GULP1: variants seen among roughly 807,000 people sequenced by gnomAD.
GULP1 encodes PTB domain-containing engulfment adapter protein 1.
Under a neutral mutation model 40.9 loss-of-function variants are expected in GULP1, and 19 were observed. The observed-to-expected ratio is 0.46, with a 90% confidence interval of 0.32 to 0.68. The LOEUF (loss-of-function observed/expected upper bound fraction) is 0.68, where lower values mean the gene tolerates loss of function less well. Among genes scored for constraint, GULP1 ranks in the 30% least tolerant of loss-of-function variants. The pLI, the probability that GULP1 is intolerant of heterozygous loss-of-function variation, is 0.03. For synonymous variants in GULP1, 119 were observed against 117.6 expected (o/e 1.01, Z -0.08); for missense variants, 312 against 362.2 (o/e 0.86, Z 1.12).
intron 2 of GULP1, among the ~76,000 whole-genome samples, chr2:188,472,871 A>G (rs1314620253): frequency 6.6e-6 from 1 of 152,140 alleles, no homozygotes; most frequent in East Asian, 1.9e-4. Context: ...CTGGGCATTG[A>G]AGAGTTAGGT....
chr2:188,524,709 CCAGTAGGTGGTGGTGTGGCT>C (rs1559341768), intron 5 of GULP1, among the ~76,000 whole-genome samples: 1 of 150,282 alleles, frequency 6.7e-6, no homozygotes, highest in Non-Finnish European at 1.5e-5. Context: ...CTCGCAATGG[CCAGTAGGTGGTGGTGTGGCT>C]CTACTAAAAA....
intron 1 of GULP1, among the ~76,000 whole-genome samples, chr2:188,357,095 A>G (rs950970153): frequency 9.2e-5 from 14 of 152,160 alleles, no homozygotes; most frequent in Non-Finnish European, 1.9e-4. Context: ...ATCTGAAAGT[A>G]TAAAACTACT....
chr2:188,434,704 A>T (rs1229246036), intron 2 of GULP1, among the ~76,000 whole-genome samples: 2 of 148,758 alleles, frequency 1.3e-5, no homozygotes, highest in Non-Finnish European at 3.0e-5. Context: ...CTTATTTTTA[A>T]ATTTCCTGAG....
chr2:188,380,887 A>G (rs896969623), intron 1 of GULP1, among the ~76,000 whole-genome samples: 39 of 152,260 alleles, frequency 2.6e-4, no homozygotes, highest in African/African-American at 9.1e-4. Context: ...ATATTGCAGC[A>G]TTAATAATGT....
intron 7 of GULP1, among the ~76,000 whole-genome samples, chr2:188,560,252 C>G (rs978348346): frequency 6.6e-6 from 1 of 152,138 alleles, no homozygotes; most frequent in African/African-American, 2.4e-5. Flanking sequence ...TCCAGATACC[C>G]TAAATCATCA....
intron 1 of GULP1, among the ~76,000 whole-genome samples, chr2:188,354,620 C>A (rs568488062): frequency 1.2e-4 from 18 of 152,256 alleles, no homozygotes; most frequent in Middle Eastern, 3.4e-3. Context: ...TGGCTACTTG[C>A]AGGTCATGTC....
intron 1 of GULP1, among the ~76,000 whole-genome samples, chr2:188,318,446 A>G (rs538296241): frequency 6.6e-4 from 101 of 152,238 alleles, no homozygotes; most frequent in African/African-American, 2.2e-3. Context: ...ATGGTATTCA[A>G]TTGTTCTTTT....
At chr2:188,373,596 A>C (rs1287041650) in intron 1 of GULP1, among the ~76,000 whole-genome samples, 2 of 151,950 alleles carry the variant, frequency 1.3e-5, no homozygotes, top group African/African-American at 2.4e-5. Context: ...GTAGATGTCG[A>C]ATCCTTAGGC....
intron 2 of GULP1, among the ~76,000 whole-genome samples, chr2:188,388,363 T>TA (rs1325290073): frequency 1.9e-5 from 1 of 52,438 alleles, no homozygotes; most frequent in African/African-American, 1.0e-4. Context: ...AGCCCATCTC[T>TA]ACCAAAAAAA....
chr2:188,348,950 A>T (rs1257334017), intron 1 of GULP1, among the ~76,000 whole-genome samples: 1 of 152,226 alleles, frequency 6.6e-6, no homozygotes, highest in Non-Finnish European at 1.5e-5. Flanking sequence ...AGTAGATGGA[A>T]ATTATTGAAA....
In GULP1 at chr2:188,529,151, C is replaced by A; in HGVS notation, c.217C>A (p.Gln73Lys). 6.3e-7 allele frequency: 1 copy of A among 1,584,896 alleles called. No individual in the cohort carries two copies. Among genetic ancestry groups the A allele is most frequent in the South Asian group, 1.1e-5 (1 of 87,176 alleles). Reference protein sequence around the residue: ...EGQKIPKVELQISIYGVKILE... With the variant: ...EGQKIPKVELKISIYGVKILE... Reference sequence around the variant, plus strand: ...CCAGAAAATTCCTAAAGTGGAGTTGCAAATATCAATTTATGGAGTAAAAAT... The same window carrying A: ...CCAGAAAATTCCTAAAGTGGAGTTGAAAATATCAATTTATGGAGTAAAAAT... Residue 73 changes from glutamine (Q) to lysine (K), a missense_variant, in exon 6 of 12, where the codon CAA (glutamine) becomes AAA (lysine). Coordinates refer to ENST00000409830, the MANE Select transcript of GULP1 (RefSeq NM_016315.4).
At chr2:188,443,099 T>C (rs1214368389) in intron 2 of GULP1, among the ~76,000 whole-genome samples, 2 of 151,950 alleles carry the variant, frequency 1.3e-5, no homozygotes, top group Non-Finnish European at 2.9e-5. Flanking sequence ...GTTGGATTTG[T>C]ATAATGGTCT....
intron 2 of GULP1, among the ~76,000 whole-genome samples, chr2:188,390,699 T>G (rs2050398510): frequency 6.6e-6 from 1 of 152,116 alleles, no homozygotes; most frequent in Admixed American, 6.6e-5. Flanking sequence ...TAGGCTGAAG[T>G]TCAGAAGAGT....
At position 188,483,485 on chromosome 2, in the gene GULP1, A is replaced by G; in HGVS notation, c.83A>G (p.Asn28Ser). The change falls in exon 4 of 12, where the codon AAT (asparagine) becomes AGT (serine). Residue 28 changes from asparagine (N) to serine (S), a missense_variant. Physicochemically the swap from Asn to Ser is conservative, Grantham distance 46. Transcript: ENST00000409830. ...TTATCAAAACATTTCATTCCCTATA[A>G]TGCAAAGGTAAAAATAGTTCATTTA... ...EALSKHFIPY[N>S]AKFLGSTEVE... The G allele has an allele frequency of 7.2e-7, 1 of 1,390,062 alleles. No homozygotes were observed. The highest frequency in any genetic ancestry group is 1.0e-6 in the Non-Finnish European group (1 of 987,746). The allele number at this position is 1,390,062 out of a possible 1,614,324, so 86.1% of individuals were successfully genotyped here. A position where few individuals can be genotyped will look rare whatever the true frequency, so the allele number is the denominator to read the frequency against.
intron 4 of GULP1, among the ~76,000 whole-genome samples, chr2:188,497,747 G>A (rs953442257): frequency 3.9e-5 from 6 of 152,036 alleles, no homozygotes; most frequent in East Asian, 1.9e-4. Flanking sequence ...GCTGATAGTC[G>A]AAAGAACAGA....
intron 4 of GULP1, among the ~76,000 whole-genome samples, chr2:188,502,314 A>G (rs976051174): frequency 6.6e-5 from 10 of 151,902 alleles, no homozygotes; most frequent in African/African-American, 2.4e-4. Flanking sequence ...AATATTATCT[A>G]CATTTTAGAA....
At chr2:188,437,504 A>G in intron 2 of GULP1, among the ~76,000 whole-genome samples, 1 of 152,224 alleles carries the variant, frequency 6.6e-6, no homozygotes, top group Non-Finnish European at 1.5e-5. Context: ...TAAAAAATGT[A>G]TTCTTTAAAA....
At chr2:188,555,497 T>A (rs1694518862) in intron 7 of GULP1, among the ~76,000 whole-genome samples, 1 of 152,194 alleles carries the variant, frequency 6.6e-6, no homozygotes, top group African/African-American at 2.4e-5. Context: ...GATATCATGT[T>A]CTTCTTTTTT....
intron 2 of GULP1, among the ~76,000 whole-genome samples, chr2:188,419,065 A>G (rs1449788153): frequency 6.6e-6 from 1 of 152,014 alleles, no homozygotes; most frequent in Non-Finnish European, 1.5e-5. Context: ...TCTTTTTTTT[A>G]GAGTTATTTT....
Sources: allele counts gnomAD v4.1 joint callset (sites outside exome capture counted in the v4.1 genomes callset), GRCh38; gene constraint gnomAD v4.1.1; transcripts MANE v1.5; gene names NCBI Gene and HGNC (gene_info 2026-07-23, HGNC 2026-07-21).